The following FNDC3B variants were observed in gnomAD, a reference collection of about 807,000 sequenced individuals.
The protein encoded by FNDC3B is fibronectin type III domain-containing protein 3B.
Under a neutral mutation model 151.5 loss-of-function variants are expected in FNDC3B, and 12 were observed. The ratio of observed to expected loss-of-function variants is 0.08; its 90% confidence interval spans 0.05 to 0.13. The LOEUF (loss-of-function observed/expected upper bound fraction) is 0.13, where lower values mean the gene tolerates loss of function less well. Among genes scored for constraint, FNDC3B ranks in the 10% least tolerant of loss-of-function variants. FNDC3B has a pLI of 1.00. For synonymous variants in FNDC3B, 528 were observed against 549.0 expected (o/e 0.96, Z 0.54); for missense variants, 1,214 against 1,505.3 (o/e 0.81, Z 3.20).
intron 3 of FNDC3B, among the ~76,000 whole-genome samples, chr3:172,158,099 T>C (rs1236931177): frequency 6.6e-6 from 1 of 152,230 alleles, no homozygotes; most frequent in African/African-American, 2.4e-5. Context: ...GCCTTGATCT[T>C]GGATTTCCCA....
chr3:172,186,946 AC>A, intron 3 of FNDC3B: 1 of 529,774 alleles, frequency 1.9e-6, no homozygotes, highest in Non-Finnish European at 3.3e-6. Flanking sequence ...TATTTTCTAT[AC>A]TAGCTAAAAG....
intron 21 of FNDC3B, among the ~76,000 whole-genome samples, chr3:172,351,827 G>A (rs1193687010): frequency 6.6e-6 from 1 of 152,172 alleles, no homozygotes; most frequent in Non-Finnish European, 1.5e-5. Context: ...CACAGGAGAT[G>A]CAGTCAGGTT....
At chr3:172,180,284 A>G (rs9290446) in intron 3 of FNDC3B, among the ~76,000 whole-genome samples, 78,014 of 151,884 alleles carry the variant, frequency 0.51, 20,618 homozygotes, top group African/African-American at 0.63. Context: ...GGCCCCTTGC[A>G]GACCTGTTGA....
intron 1 of FNDC3B, among the ~76,000 whole-genome samples, chr3:172,084,561 G>T (rs1439675906): frequency 2.6e-5 from 4 of 151,874 alleles, no homozygotes; most frequent in Non-Finnish European, 4.4e-5. Flanking sequence ...CACTAAAATA[G>T]TGTTATTATT....
At chr3:172,086,360 T>A (rs376242648) in intron 1 of FNDC3B, among the ~76,000 whole-genome samples, 9 of 147,546 alleles carry the variant, frequency 6.1e-5, no homozygotes, top group African/African-American at 1.2e-4. Flanking sequence ...ACCTGATCTT[T>A]AAAAAAAAAA....
intron 3 of FNDC3B, among the ~76,000 whole-genome samples, chr3:172,154,452 G>A (rs1335431678): frequency 3.3e-5 from 5 of 152,196 alleles, no homozygotes; most frequent in South Asian, 2.1e-4. Flanking sequence ...GTGATCCGCC[G>A]TCCTCCGCCT....
chr3:172,089,315 G>A (rs992989909), intron 1 of FNDC3B, among the ~76,000 whole-genome samples: 3 of 152,104 alleles, frequency 2.0e-5, no homozygotes, highest in Non-Finnish European at 4.4e-5. Context: ...TATAAAACTA[G>A]GGGCAGGATA....
Position 172,265,901 on chromosome 3 carries a change from C to T in FNDC3B, c.790+14360C>T, listed in dbSNP as rs540558000. On this transcript the variant is annotated intron_variant, in intron 6 of 25. Transcript: ENST00000415807. ...TTGTTGTGAGCAGATGTTCCCTCAG[C>T]ATTTCTGAATTATTTTAATGCACAA... Among the ~76,000 whole-genome samples the T allele has an allele frequency of 1.1e-4, 17 of 152,302 alleles. No homozygotes were observed. The East Asian group carries it at 3.1e-3, about 28-fold the overall frequency.
rs1378334904 is a variant in FNDC3B, at chr3:172,362,575, T to G, written c.2796-58T>G. The G allele has an allele frequency of 1.6e-5, 20 of 1,247,884 alleles. No homozygotes were observed. In the South Asian group the frequency reaches 2.2e-4, roughly 14 times the overall value. 77.3% of individuals were successfully genotyped at this position (1,247,884 alleles called of 1,614,324 possible). On this transcript the variant is annotated intron_variant, in intron 22 of 25. Transcript: ENST00000415807. ...TACTATGCTCAATGTTTATTTCGAA[T>G]GAAGAATTGCTGCTGCTTTAACCTG...
intron 25 of FNDC3B, among the ~76,000 whole-genome samples, chr3:172,386,774 A>AC (rs1466763967): frequency 6.6e-6 from 1 of 151,658 alleles, no homozygotes; most frequent in Non-Finnish European, 1.5e-5. Context: ...AAAAAAAAAA[A>AC]ACCTCTGAAG....
At position 172,269,434 on chromosome 3, in the gene FNDC3B, A is replaced by C. The variant is rs556390940; in HGVS notation, c.791-16492A>C. ...CCACCATGGCTGGCTAATTAAAAAAAATTTTTTTTTTTTTTTTGGTAGAGA... is the reference window on the plus strand; with the variant it reads ...CCACCATGGCTGGCTAATTAAAAAACATTTTTTTTTTTTTTTTGGTAGAGA... On this transcript the variant is annotated intron_variant, in intron 6 of 25. Transcript: ENST00000415807. Among the ~76,000 whole-genome samples, 4 of 148,368 alleles carry C rather than the reference A, an allele frequency of 2.7e-5. No individual in the cohort carries two copies. In the East Asian group the frequency reaches 8.0e-4, roughly 30 times the overall value.
intron 1 of FNDC3B, among the ~76,000 whole-genome samples, chr3:172,108,359 C>A (rs1719778014): frequency 6.6e-6 from 1 of 152,168 alleles, no homozygotes; most frequent in Admixed American, 6.5e-5. Flanking sequence ...AATTTCCATT[C>A]GCAATCATTA....
chr3:172,133,760 T>C (rs1466125121), intron 3 of FNDC3B: 9 of 571,974 alleles, frequency 1.6e-5, no homozygotes, highest in Non-Finnish European at 2.5e-5. Context: ...TGGGTATCTG[T>C]TGGTTAGTTA....
At chr3:172,380,474 C>T (rs1457997580) in intron 24 of FNDC3B, among the ~76,000 whole-genome samples, 1 of 152,192 alleles carries the variant, frequency 6.6e-6, no homozygotes, top group Non-Finnish European at 1.5e-5. Flanking sequence ...GACCCTCACC[C>T]AGGTATGCTC....
intron 22 of FNDC3B, among the ~76,000 whole-genome samples, chr3:172,358,360 C>T (rs556396636): frequency 6.4e-4 from 98 of 152,368 alleles, no homozygotes; most frequent in African/African-American, 2.3e-3. Context: ...GTAGTTCCCA[C>T]TCTGTAGTGC....
intron 7 of FNDC3B, among the ~76,000 whole-genome samples, chr3:172,288,221 G>T (rs536082900): frequency 7.4e-4 from 112 of 152,358 alleles, no homozygotes; most frequent in African/African-American, 2.5e-3. Flanking sequence ...TTAACTGGCA[G>T]TCTGATTGTA....
At chr3:172,230,719 A>G (rs1448759485) in intron 4 of FNDC3B, among the ~76,000 whole-genome samples, 1 of 152,244 alleles carries the variant, frequency 6.6e-6, no homozygotes, top group Non-Finnish European at 1.5e-5. Context: ...GCATGAAAAG[A>G]TGCTCAATAT....
At chr3:172,261,151 A>G (rs1484750772) in intron 6 of FNDC3B, among the ~76,000 whole-genome samples, 1 of 152,122 alleles carries the variant, frequency 6.6e-6, no homozygotes, top group Non-Finnish European at 1.5e-5. Flanking sequence ...GGCTGCATAG[A>G]CCTGCCCTGC....
Position 172,337,227 on chromosome 3 carries a change from A to G in FNDC3B, c.1781-103A>G, listed in dbSNP as rs1220104577. ...ATTTTGCCTTTTGGTCATGTCTAGAATTCAGATAGTATAATGGTGTGTGAT... is the reference window on the plus strand; with the variant it reads ...ATTTTGCCTTTTGGTCATGTCTAGAGTTCAGATAGTATAATGGTGTGTGAT... On this transcript the variant is annotated intron_variant, in intron 15 of 25. Transcript: ENST00000415807. The G allele has an allele frequency of 5.6e-6, 4 of 720,258 alleles. No homozygotes were observed. The Admixed American group carries it at 8.1e-5, about 15-fold the overall frequency. The allele number at this position is 720,258 out of a possible 1,614,324, so 44.6% of individuals were successfully genotyped here. A position where few individuals can be genotyped will look rare whatever the true frequency, so the allele number is the denominator to read the frequency against.
Sources: gnomAD v4.1 joint callset for allele counts (sites outside exome capture counted in the v4.1 genomes callset) on GRCh38, gnomAD v4.1.1 for gene constraint, MANE v1.5 for transcripts, NCBI Gene and HGNC (gene_info 2026-07-23, HGNC 2026-07-21) for gene names.